The following ADGRL2 variants were observed in gnomAD, a reference collection of about 807,000 sequenced individuals.
ADGRL2 encodes calcium-independent alpha-latrotoxin receptor 2.
Under a neutral mutation model 157.4 loss-of-function variants are expected in ADGRL2, and 44 were observed. That is an observed-to-expected ratio of 0.28 (90% CI 0.22 to 0.36). ADGRL2 has a LOEUF of 0.36. ADGRL2 is among the 10% of genes least tolerant of loss of function. The pLI, the probability that ADGRL2 is intolerant of heterozygous loss-of-function variation, is 1.00. For synonymous variants in ADGRL2, 585 were observed against 624.7 expected, an observed-to-expected ratio of 0.94 and a Z score of 0.95; for missense variants, 1,510 against 1,768.9, an observed-to-expected ratio of 0.85 and a Z score of 2.63.
At chr1:81,608,529 G>C (rs1221792183) in intron 3 of ADGRL2, among the ~76,000 whole-genome samples, 4 of 152,182 alleles carry the variant, frequency 2.6e-5, no homozygotes, top group Non-Finnish European at 2.9e-5. Context: ...AACTAGGCTT[G>C]TGTGTGTGTT....
intron 2 of ADGRL2, among the ~76,000 whole-genome samples, chr1:81,769,435 G>T (rs1023247863): frequency 2.0e-5 from 3 of 151,990 alleles, no homozygotes; most frequent in African/African-American, 7.2e-5. Context: ...AGTGTCATGT[G>T]TTGAATAGTT....
chr1:81,917,671 C>G (rs1254953974), intron 3 of ADGRL2, among the ~76,000 whole-genome samples: 2 of 152,272 alleles, frequency 1.3e-5, no homozygotes, highest in Admixed American at 1.3e-4. Context: ...TAGAACTCAC[C>G]TATCTACATT....
chr1:81,845,580 A>T (rs1447929762), intron 2 of ADGRL2, among the ~76,000 whole-genome samples: 1 of 151,956 alleles, frequency 6.6e-6, no homozygotes, highest in African/African-American at 2.4e-5. Flanking sequence ...GGGGACAAAA[A>T]CATTTTTTGT....
chr1:81,709,700 T>C (rs2083859534), intron 1 of ADGRL2, among the ~76,000 whole-genome samples: 1 of 152,096 alleles, frequency 6.6e-6, no homozygotes, highest in Middle Eastern at 3.2e-3. Context: ...TGCCCATCCA[T>C]CTCTCTTCTC....
chr1:81,748,467 C>CAAAAAAAAAAAAAAAAAAAAAA (rs973818702), intron 1 of ADGRL2, among the ~76,000 whole-genome samples: 18 of 42,376 alleles, frequency 4.2e-4, no homozygotes, highest in Non-Finnish European at 4.8e-4. Flanking sequence ...GATTCCGTCT[C>CAAAAAAAAAAAAAAAAAAAAAA]AAAAAAAAAA....
intron 3 of ADGRL2, among the ~76,000 whole-genome samples, chr1:81,625,136 G>T (rs1464556036): frequency 6.6e-6 from 1 of 152,192 alleles, no homozygotes; most frequent in Non-Finnish European, 1.5e-5. Flanking sequence ...ACTCGGGAGA[G>T]TGAAATGAAA....
chr1:81,598,136 C>T (rs12737780), intron 3 of ADGRL2, among the ~76,000 whole-genome samples: 51,402 of 151,990 alleles, frequency 0.34, 8,963 homozygotes, highest in South Asian at 0.4. Context: ...CTCCCAGAGT[C>T]ACAGATGTTC....
At chr1:81,454,179 T>C (rs2077756484) in intron 2 of ADGRL2, among the ~76,000 whole-genome samples, 1 of 152,080 alleles carries the variant, frequency 6.6e-6, no homozygotes, top group South Asian at 2.1e-4. Flanking sequence ...TTTTTTTTTT[T>C]CTTTTTCTTC....
chr1:81,575,204 G>A (rs1006318683), intron 2 of ADGRL2, among the ~76,000 whole-genome samples: 6 of 152,038 alleles, frequency 3.9e-5, no homozygotes, highest in Admixed American at 6.6e-5. Context: ...CCCCCATGCC[G>A]GTTTAAAAAC....
chr1:81,410,093 G>A (rs1312285407), intron 1 of ADGRL2, among the ~76,000 whole-genome samples: 3 of 152,202 alleles, frequency 2.0e-5, no homozygotes, highest in African/African-American at 7.2e-5. Context: ...ATCTTTACAT[G>A]AAAGTCAGCC....
chr1:81,629,791 A>G (rs555781126), intron 3 of ADGRL2, among the ~76,000 whole-genome samples: 2 of 151,632 alleles, frequency 1.3e-5, no homozygotes, highest in East Asian at 1.9e-4. Flanking sequence ...GGGTTTTGCT[A>G]TGTTGCTCAG....
chr1:81,396,970 C>T (rs774449602), intron 1 of ADGRL2, among the ~76,000 whole-genome samples: 2 of 152,062 alleles, frequency 1.3e-5, no homozygotes, highest in South Asian at 2.1e-4. Context: ...ATTTTGATAT[C>T]GTAGTAATGT....
intron 3 of ADGRL2, among the ~76,000 whole-genome samples, chr1:81,667,955 T>C (rs1318886602): frequency 6.6e-6 from 1 of 152,186 alleles, no homozygotes; most frequent in East Asian, 1.9e-4. Flanking sequence ...ACTCTCTCAG[T>C]GAATCATTAT....
At chr1:81,467,467 T>G (rs1270349359) in intron 2 of ADGRL2, among the ~76,000 whole-genome samples, 1 of 152,184 alleles carries the variant, frequency 6.6e-6, no homozygotes, top group Non-Finnish European at 1.5e-5. Context: ...CCAAGAGATT[T>G]TACAGCGCTC....
intron 6 of ADGRL2, among the ~76,000 whole-genome samples, chr1:81,945,961 A>G (rs979811307): frequency 6.6e-6 from 1 of 152,060 alleles, no homozygotes; most frequent in Non-Finnish European, 1.5e-5. Context: ...ATATGCATGT[A>G]GGTGGGGTCT....
chr1:81,911,982 C>A (rs2094735214), intron 3 of ADGRL2, among the ~76,000 whole-genome samples: 1 of 151,118 alleles, frequency 6.6e-6, no homozygotes, highest in African/African-American at 2.4e-5. Context: ...AGCTTTTAAC[C>A]AAAAAAATTT....
intron 2 of ADGRL2, among the ~76,000 whole-genome samples, chr1:81,478,543 G>A (rs577933869): frequency 6.6e-6 from 1 of 152,270 alleles, no homozygotes; most frequent in East Asian, 1.9e-4. Flanking sequence ...ATCTCTGTTT[G>A]GAAAAAGGTG....
chr1:81,610,825 G>T (rs2081526914), intron 3 of ADGRL2, among the ~76,000 whole-genome samples: 2 of 152,150 alleles, frequency 1.3e-5, no homozygotes, highest in Admixed American at 6.5e-5. Context: ...GCAGAATGAA[G>T]GTAAAGAAAA....
chr1:81,524,524 C>A (rs1461964247), intron 2 of ADGRL2, among the ~76,000 whole-genome samples: 1 of 151,104 alleles, frequency 6.6e-6, no homozygotes, highest in African/African-American at 2.4e-5. Flanking sequence ...TGTATAAAAG[C>A]AAAAGATAGG....
Sources: gnomAD v4.1 joint callset for allele counts (sites outside exome capture counted in the v4.1 genomes callset) on GRCh38, gnomAD v4.1.1 for gene constraint, MANE v1.5 for transcripts, NCBI Gene and HGNC (gene_info 2026-07-23, HGNC 2026-07-21) for gene names.